The following AFAP1 variants were observed in gnomAD, a reference collection of about 807,000 sequenced individuals.
AFAP1 encodes actin filament-associated protein 1.
In AFAP1, 75 loss-of-function variants were observed where a neutral mutation model predicts 93.9. The ratio of observed to expected loss-of-function variants is 0.80; its 90% confidence interval spans 0.66 to 0.97. AFAP1 has a LOEUF of 0.97. AFAP1 is among the 50% of genes least tolerant of loss of function. The pLI is 0.00. For missense variants in AFAP1, 1,201 were observed against 1,050.8 expected (o/e 1.14, Z -1.98); for synonymous variants, 517 against 430.7 (o/e 1.20, Z -2.48).
chr4:7,895,496 C>A (rs546436566), intron 1 of AFAP1, among the ~76,000 whole-genome samples: 196 of 152,288 alleles, frequency 1.3e-3, no homozygotes, highest in African/African-American at 4.3e-3. Flanking sequence ...CCCAGCATAA[C>A]ACATAGTAAG....
At chr4:7,773,196 T>G in intron 15 of AFAP1, 186 bp from the exon 16 acceptor site, 2 of 902,352 alleles carry the variant, frequency 2.2e-6, no homozygotes, top group Non-Finnish European at 1.6e-6. Flanking sequence ...CTCCTACCAT[T>G]TCCCTTTGCT....
chr4:7,809,451 AT>A, intron 9 of AFAP1, 162 bp downstream of exon 9: 1 of 808,284 alleles, frequency 1.2e-6, no homozygotes, highest in Non-Finnish European at 1.8e-6. Flanking sequence ...AGAGGCAAAA[AT>A]GTAAACATTT....
At position 7,828,629 on chromosome 4, in the gene AFAP1, C is replaced by G. The variant is rs147360724; in HGVS notation, c.727-9458G>C. Among the ~76,000 whole-genome samples the G allele has an allele frequency of 2.6e-5, 4 of 152,300 alleles. No homozygotes were observed. In the East Asian group the frequency reaches 7.7e-4, roughly 29 times the overall value. On this transcript the variant is annotated intron_variant, in intron 6 of 17. Transcript: ENST00000420658. The stretch of plus-strand genomic sequence containing the variant: ...GGAAAAGCAACAGTGGTAAGAGCAG[C>G]TTTTACTTATGTAAGGCTCATGACA...
At chr4:7,818,384 T>C (rs900037684) in intron 7 of AFAP1, among the ~76,000 whole-genome samples, 2 of 152,166 alleles carry the variant, frequency 1.3e-5, no homozygotes, top group Admixed American at 1.3e-4. Context: ...GAATCCTGAC[T>C]TATATGAGGA....
chr4:7,912,031 T>C (rs1347853454), intron 1 of AFAP1, among the ~76,000 whole-genome samples: 1 of 152,072 alleles, frequency 6.6e-6, no homozygotes, highest in Non-Finnish European at 1.5e-5. Flanking sequence ...AGAGAGAAAA[T>C]GCATTTGAAA....
In AFAP1 at chr4:7,939,585, C is replaced by G; in HGVS notation, c.-3+71G>C. On this transcript the variant is annotated intron_variant, in intron 1 of 17. Transcript: ENST00000420658. The surrounding 1 kb of genome is among the most constrained non-coding windows in gnomAD (Gnocchi z 5.6). Reference sequence around the variant, plus strand: ...ACCCCGGACCCTGCGGAGCCCCGCTCGGAGCTTCCACGCCCGGGGCAGAGA... The same window carrying G: ...ACCCCGGACCCTGCGGAGCCCCGCTGGGAGCTTCCACGCCCGGGGCAGAGA... The G allele has an allele frequency of 2.5e-6, 1 of 392,546 alleles. No individual in the cohort carries two copies. The highest frequency in any genetic ancestry group is 5.0e-6 in the Non-Finnish European group (1 of 200,760). The allele number at this position is 392,546 out of a possible 1,614,324, so 24.3% of individuals were successfully genotyped here.
intron 1 of AFAP1, among the ~76,000 whole-genome samples, chr4:7,892,377 G>C (rs141871091): frequency 4.1e-4 from 62 of 152,300 alleles, no homozygotes; most frequent in African/African-American, 1.3e-3. Flanking sequence ...GGGACAGCAG[G>C]CTCTGCAGAG....
intron 17 of AFAP1, among the ~76,000 whole-genome samples, chr4:7,766,300 A>AGCATCACAAG (rs1714564368): frequency 6.6e-6 from 1 of 152,182 alleles, no homozygotes; most frequent in African/African-American, 2.4e-5. Flanking sequence ...CCCAGGGGAC[A>AGCATCACAAG]GCATCACAAG....
chr4:7,919,850 G>A (rs1018930348), intron 1 of AFAP1, among the ~76,000 whole-genome samples: 2 of 150,230 alleles, frequency 1.3e-5, no homozygotes, highest in Admixed American at 6.6e-5. Context: ...CTGTGTCCAT[G>A]TGTTCTCATT....
chr4:7,888,220 GTTAT>G (rs1159677100), intron 1 of AFAP1, among the ~76,000 whole-genome samples: 14 of 152,354 alleles, frequency 9.2e-5, no homozygotes, highest in African/African-American at 2.9e-4. Context: ...AGAAAAACAA[GTTAT>G]TTAATCTACA....
chr4:7,855,217 C>T lies in AFAP1; in HGVS notation c.334+249G>A, dbSNP rs561474734. 2.7e-4 allele frequency among the ~76,000 whole-genome samples: 41 copies of T among 152,342 alleles called. No individual in the cohort carries two copies. In the South Asian group the frequency reaches 8.5e-3, roughly 32 times the overall value. On this transcript the variant is annotated intron_variant, in intron 4 of 17. Coordinates refer to ENST00000420658, the MANE Select transcript of AFAP1 (RefSeq NM_001134647.2). ...CTTCCGCACTGCTGATACCTGTTGC[C>T]ACAGCAATAAGCTTTCACTACCTCT...
At chr4:7,846,048 A>G (rs1194799893) in intron 4 of AFAP1, among the ~76,000 whole-genome samples, 1 of 152,204 alleles carries the variant, frequency 6.6e-6, no homozygotes, top group Non-Finnish European at 1.5e-5. Context: ...AAGTCTGAGA[A>G]GGAGAAACGC....
rs1196403118 is a variant in AFAP1 at position 7,939,260 on chromosome 4, G to T, written c.-3+396C>A. ...TCGGTAAGTCGGACGAAGCAGTCTC[G>T]CTACGGGGGAGGGCGGCGGAGCCTC... On this transcript the variant is annotated intron_variant, in intron 1 of 17. Transcript: ENST00000420658. This position sits in a 1 kb window ranked among gnomAD's most constrained non-coding sequence, Gnocchi z 5.6. The T allele has an allele frequency of 3.3e-6, 1 of 302,806 alleles. No homozygotes were observed. The highest frequency in any genetic ancestry group is 6.7e-6 in the Non-Finnish European group (1 of 150,036). The allele number at this position is 302,806 out of a possible 1,614,324, so 18.8% of individuals were successfully genotyped here.
chr4:7,838,436 A>G, intron 6 of AFAP1, 88 bp downstream of exon 6: 1 of 1,444,672 alleles, frequency 6.9e-7, no homozygotes, highest in Non-Finnish European at 9.2e-7. Context: ...CTATGCTTGA[A>G]CAAAATTAAA....
chr4:7,926,096 G>A (rs550180017), intron 1 of AFAP1, among the ~76,000 whole-genome samples: 23 of 152,286 alleles, frequency 1.5e-4, no homozygotes, highest in African/African-American at 5.1e-4. Context: ...CTACACCTTA[G>A]CATCCTGTGT....
intron 17 of AFAP1, among the ~76,000 whole-genome samples, chr4:7,765,783 G>A (rs1410585009): frequency 6.6e-6 from 1 of 152,214 alleles, no homozygotes; most frequent in African/African-American, 2.4e-5. Context: ...CCACTGAGGG[G>A]CCTTGGAGAG....
intron 1 of AFAP1, among the ~76,000 whole-genome samples, chr4:7,884,142 A>G (rs1295077469): frequency 4.6e-5 from 7 of 152,052 alleles, no homozygotes; most frequent in Admixed American, 4.6e-4. Flanking sequence ...CTGCTCTGTC[A>G]TGTGAGACAC....
intron 6 of AFAP1, among the ~76,000 whole-genome samples, chr4:7,828,282 G>A (rs1721612385): frequency 6.6e-6 from 1 of 152,174 alleles, no homozygotes; most frequent in African/African-American, 2.4e-5. Context: ...GTGAACTTGG[G>A]ATCCACCAGC....
At chr4:7,847,830 C>T (rs1259810774) in intron 4 of AFAP1, among the ~76,000 whole-genome samples, 1 of 150,766 alleles carries the variant, frequency 6.6e-6, no homozygotes, top group African/African-American at 2.5e-5. Context: ...CAGGCCCGAC[C>T]CATTCAGATG....
Sources: allele counts gnomAD v4.1 joint callset (sites outside exome capture counted in the v4.1 genomes callset), GRCh38; gene constraint gnomAD v4.1.1; non-coding constraint Gnocchi (gnomAD v3.1); transcripts MANE v1.5; gene names NCBI Gene and HGNC (gene_info 2026-07-23, HGNC 2026-07-21).